ESRP1: variants seen among roughly 807,000 people sequenced by gnomAD.
ESRP1 encodes epithelial splicing regulatory protein 1, also known as RNA-binding motif protein 35A.
Under a neutral mutation model 81.7 loss-of-function variants are expected in ESRP1, and 33 were observed. The observed-to-expected ratio is 0.40, with a 90% CI of 0.31 to 0.54. The LOEUF is 0.54. Among genes scored for constraint, ESRP1 ranks in the 20% least tolerant of loss-of-function variants. ESRP1 has a pLI of 0.41. For missense variants in ESRP1, 672 were observed against 833.1 expected (o/e 0.81, Z 2.38); for synonymous variants, 320 against 303.3 (o/e 1.06, Z -0.57).
At chr8:94,654,025 A>G (rs569706260) in intron 4 of ESRP1, among the ~76,000 whole-genome samples, 10 of 152,196 alleles carry the variant, frequency 6.6e-5, no homozygotes, top group Non-Finnish European at 1.5e-4. Flanking sequence ...TGTTTTAATT[A>G]TAAAATATTT....
chr8:94,671,957 G>T (rs1411432211), intron 11 of ESRP1, among the ~76,000 whole-genome samples: 1 of 152,108 alleles, frequency 6.6e-6, no homozygotes, highest in African/African-American at 2.4e-5. Context: ...AAATAATGCT[G>T]TCGTTAGTAT....
At chr8:94,704,241 T>C (rs1456617385) in intron 15 of ESRP1, among the ~76,000 whole-genome samples, 10 of 147,980 alleles carry the variant, frequency 6.8e-5, no homozygotes, top group African/African-American at 2.5e-4. Context: ...AAAACTCCAT[T>C]AGACATTTCA....
intron 14 of ESRP1, among the ~76,000 whole-genome samples, chr8:94,693,219 T>G (rs1447073014): frequency 1.3e-5 from 2 of 152,170 alleles, no homozygotes; most frequent in Non-Finnish European, 2.9e-5. Flanking sequence ...AACATGGGTT[T>G]TAAAGGTGAG....
intron 3 of ESRP1, among the ~76,000 whole-genome samples, chr8:94,645,119 A>G (rs771439739): frequency 5.3e-5 from 8 of 152,162 alleles, no homozygotes; most frequent in Non-Finnish European, 1.0e-4. Context: ...TGTAGGTAAT[A>G]GGGAGGTTTC....
intron 13 of ESRP1, among the ~76,000 whole-genome samples, chr8:94,686,177 C>T (rs1285363132): frequency 6.6e-6 from 1 of 152,198 alleles, no homozygotes; most frequent in Non-Finnish European, 1.5e-5. Context: ...GATCCACCCG[C>T]CTCGGCCTCC....
At chr8:94,682,577 C>A (rs529510482) in intron 13 of ESRP1, among the ~76,000 whole-genome samples, 42 of 150,394 alleles carry the variant, frequency 2.8e-4, no homozygotes, top group African/African-American at 9.4e-4. Context: ...TTGTTGCCCA[C>A]GCTGGTCTCA....
At chr8:94,667,068 G>GGGGGGGGTGTGTGTGTGTGT (rs1554577644) in intron 9 of ESRP1, among the ~76,000 whole-genome samples, 1 of 144,244 alleles carries the variant, frequency 6.9e-6, no homozygotes, top group African/African-American at 2.6e-5. Flanking sequence ...CCAGGAGAGG[G>GGGGGGGGTGTGTGTGTGTGT]GTGTGTGTGT....
intron 11 of ESRP1, among the ~76,000 whole-genome samples, 172 bp from the exon 12 acceptor site, chr8:94,674,136 G>A (rs1202939424): frequency 6.6e-6 from 1 of 152,174 alleles, no homozygotes; most frequent in Admixed American, 6.5e-5. Flanking sequence ...CCATTCTGGT[G>A]ATCAGGTGAT....
At chr8:94,698,949 G>A (rs898332060) in intron 15 of ESRP1, among the ~76,000 whole-genome samples, 5 of 152,114 alleles carry the variant, frequency 3.3e-5, no homozygotes, top group Non-Finnish European at 5.9e-5. Flanking sequence ...TGTCACGTAC[G>A]AATGCTTTGC....
At chr8:94,655,131 C>G (rs1322132136) in intron 4 of ESRP1, among the ~76,000 whole-genome samples, 1 of 150,116 alleles carries the variant, frequency 6.7e-6, no homozygotes, top group Non-Finnish European at 1.5e-5. Flanking sequence ...GGCGTCTCAC[C>G]CAGGCTGGGG....
chr8:94,700,472 G>A (rs1047089238), intron 15 of ESRP1, among the ~76,000 whole-genome samples: 12 of 152,216 alleles, frequency 7.9e-5, no homozygotes, highest in Admixed American at 3.3e-4. Context: ...AGCTGGAAGA[G>A]GCAAGGACCT....
At chr8:94,650,262 T>TG (rs1240224827) in intron 4 of ESRP1, among the ~76,000 whole-genome samples, 14 of 47,420 alleles carry the variant, frequency 3.0e-4, no homozygotes, top group African/African-American at 6.1e-4. Context: ...TTGTTTGTTT[T>TG]GTTTTTTTTT....
intron 15 of ESRP1, among the ~76,000 whole-genome samples, chr8:94,697,937 T>C (rs1809670276): frequency 6.6e-6 from 1 of 152,128 alleles, no homozygotes. Context: ...CCTGCCACCA[T>C]GCCTGGCTTT....
intron 10 of ESRP1, among the ~76,000 whole-genome samples, chr8:94,668,751 C>T (rs940105723): frequency 2.1e-5 from 3 of 145,316 alleles, no homozygotes; most frequent in Non-Finnish European, 4.5e-5. Context: ...GTTTCATACC[C>T]TGCTGGTGAG....
At chr8:94,642,270 A>G (rs1012980914) in intron 2 of ESRP1, among the ~76,000 whole-genome samples, 186 bp downstream of exon 2, 4 of 152,182 alleles carry the variant, frequency 2.6e-5, no homozygotes, top group African/African-American at 7.2e-5. Context: ...GCTTCTCTTC[A>G]TCTCCCAGCC....
chr8:94,677,396 A>G (rs1197036650), intron 12 of ESRP1, among the ~76,000 whole-genome samples: 1 of 152,168 alleles, frequency 6.6e-6, no homozygotes, highest in Non-Finnish European at 1.5e-5. Flanking sequence ...TGTTCATTCC[A>G]CAAGTGAAAG....
intron 11 of ESRP1, among the ~76,000 whole-genome samples, chr8:94,672,586 G>A (rs1171133888): frequency 6.6e-6 from 1 of 151,104 alleles, no homozygotes; most frequent in Non-Finnish European, 1.5e-5. Context: ...AGGCTGGATT[G>A]CAGTGGAGCA....
chr8:94,662,119 ATGAC>A (rs1288017661), intron 4 of ESRP1, among the ~76,000 whole-genome samples, 149 bp from the exon 5 acceptor site: 1 of 152,222 alleles, frequency 6.6e-6, no homozygotes, highest in Admixed American at 6.5e-5. Context: ...CCTAAGTTGA[ATGAC>A]TGACTGATGG....
At chr8:94,697,800 G>T (rs1463849407) in intron 15 of ESRP1, among the ~76,000 whole-genome samples, 1 of 151,328 alleles carries the variant, frequency 6.6e-6, no homozygotes, top group Non-Finnish European at 1.5e-5. Flanking sequence ...TATTTTTTTT[G>T]AGACAGAGTC....
Sources: allele counts gnomAD v4.1 joint callset (sites outside exome capture counted in the v4.1 genomes callset), GRCh38; gene constraint gnomAD v4.1.1; transcripts MANE v1.5; gene names NCBI Gene and HGNC (gene_info 2026-07-23, HGNC 2026-07-21).